INSL6: variants seen among roughly 807,000 people sequenced by gnomAD.
The protein encoded by INSL6 is insulin like 6.
In INSL6, 16 loss-of-function variants were observed where a neutral mutation model predicts 9.4. The observed-to-expected ratio is 1.70, with a 90% CI of 1.15 to 2.59. INSL6 has a LOEUF of 2.59. Ranked by LOEUF, INSL6 falls within the 30% of genes most tolerant of loss-of-function variation. The pLI is 0.00. For missense variants in INSL6, 391 were observed against 257.3 expected (o/e 1.52, Z -3.56); for synonymous variants, 154 against 96.9 (o/e 1.59, Z -3.46).
intron 2 of INSL6, among the ~76,000 whole-genome samples, chr9:5,141,709 G>A (rs1824505203): frequency 6.6e-6 from 1 of 152,142 alleles, no homozygotes; most frequent in African/African-American, 2.4e-5. Context: ...CTGGGCAGAA[G>A]CTCTTTAGTT....
chr9:5,123,888 CT>C (rs543606211), exon 4 of INSL6, among the ~76,000 whole-genome samples: 279 of 141,844 alleles, frequency 2.0e-3, no homozygotes, highest in Admixed American at 2.5e-3. Context: ...AATTTTTTCT[CT>C]TTTTTTTTTT....
At chr9:5,184,582 A>G (rs981963221) in intron 1 of INSL6, among the ~76,000 whole-genome samples, 3 of 152,172 alleles carry the variant, frequency 2.0e-5, no homozygotes, top group African/African-American at 7.2e-5. Flanking sequence ...TCCCTATAAT[A>G]CAGTATGGTA....
the INSL6 span, among the ~76,000 whole-genome samples, chr9:5,074,783 G>A: frequency 1.3e-5 from 2 of 152,180 alleles, no homozygotes; most frequent in East Asian, 3.9e-4. Context: ...ACGCTGATGT[G>A]GAAGCTGCAG....
chr9:5,146,656 C>A (rs571543964), intron 2 of INSL6, among the ~76,000 whole-genome samples: 1 of 152,228 alleles, frequency 6.6e-6, no homozygotes, highest in African/African-American at 2.4e-5. Flanking sequence ...CCATCTGCAA[C>A]GGCAGTCAAC....
chr9:5,005,354 A>T, the INSL6 span, among the ~76,000 whole-genome samples: 1 of 151,234 alleles, frequency 6.6e-6, no homozygotes, highest in East Asian at 1.9e-4. Context: ...TCTATTTTGG[A>T]TATTAACTCC....
the INSL6 span, among the ~76,000 whole-genome samples, chr9:5,045,597 C>G: frequency 6.6e-6 from 1 of 152,118 alleles, no homozygotes; most frequent in African/African-American, 2.4e-5. Flanking sequence ...TGGCCTTTTG[C>G]AATCACCATT....
intron 1 of INSL6, among the ~76,000 whole-genome samples, chr9:5,166,877 T>C (rs1382741607): frequency 6.6e-6 from 1 of 152,194 alleles, no homozygotes; most frequent in Non-Finnish European, 1.5e-5. Context: ...GACTTTCAAA[T>C]GTTGATTTCA....
chr9:5,057,426 A>G, the INSL6 span, among the ~76,000 whole-genome samples: 1 of 152,012 alleles, frequency 6.6e-6, no homozygotes, highest in African/African-American at 2.4e-5. Context: ...CATCTTAACC[A>G]TTTTTAAGTG....
chr9:5,017,621 A>G, the INSL6 span, among the ~76,000 whole-genome samples: 1 of 152,162 alleles, frequency 6.6e-6, no homozygotes, highest in African/African-American at 2.4e-5. Context: ...ATTTATTGCT[A>G]TAAACTTCCC....
At chr9:5,028,631 A>T in the INSL6 span, among the ~76,000 whole-genome samples, 46 of 152,298 alleles carry the variant, frequency 3.0e-4, no homozygotes, top group East Asian at 8.3e-3. Context: ...CTGAAAATCT[A>T]TTGTTTATCA....
At chr9:5,155,226 C>CA (rs1379074683) in intron 2 of INSL6, among the ~76,000 whole-genome samples, 1 of 149,344 alleles carries the variant, frequency 6.7e-6, no homozygotes, top group Non-Finnish European at 1.5e-5. Context: ...ATCCCAAGGA[C>CA]AAAAAACCAA....
rs746894598 is a variant in INSL6 at position 5,126,377 on chromosome 9, C to T, written c.*11-1866G>A. 39 of 1,610,692 alleles carry T rather than the reference C, an allele frequency of 2.4e-5. No individual in the cohort carries two copies. Among genetic ancestry groups the T allele is most frequent in the Non-Finnish European group, 3.0e-5 (35 of 1,177,928 alleles). Reference sequence around the variant, plus strand: ...GCAATGACAAACAAGGACAGATGATCGTGTTCCATTTGATAGAACTTTTGA... The same window carrying T: ...GCAATGACAAACAAGGACAGATGATTGTGTTCCATTTGATAGAACTTTTGA... On this transcript the variant is annotated intron_variant, in intron 3 of 3. Transcript: ENST00000649639.
chr9:5,163,232 G>A (rs1183254940), downstream of INSL6, among the ~76,000 whole-genome samples: 1 of 152,188 alleles, frequency 6.6e-6, no homozygotes, highest in Non-Finnish European at 1.5e-5. Context: ...TGCTGATGCT[G>A]CCGATTTGGT....
the INSL6 span, chr9:5,069,221 T>C: frequency 6.4e-7 from 1 of 1,568,052 alleles, no homozygotes; most frequent in Non-Finnish European, 8.7e-7. Flanking sequence ...AAGATAATTT[T>C]CTAGTTATTT....
chr9:5,012,659 A>G, the INSL6 span, among the ~76,000 whole-genome samples: 1 of 152,186 alleles, frequency 6.6e-6, no homozygotes, highest in Non-Finnish European at 1.5e-5. Context: ...ATATTTAGTA[A>G]GATTTGTATC....
At chr9:5,042,241 C>T in the INSL6 span, among the ~76,000 whole-genome samples, 1 of 151,598 alleles carries the variant, frequency 6.6e-6, no homozygotes, top group Admixed American at 6.6e-5. Context: ...GGGTTCCCGC[C>T]ATTCTCCTGC....
At chr9:5,116,669 C>A in the INSL6 span, among the ~76,000 whole-genome samples, 1 of 152,078 alleles carries the variant, frequency 6.6e-6, no homozygotes, top group African/African-American at 2.4e-5. Flanking sequence ...TACTGTGCTC[C>A]AAATACTATA....
At chr9:5,020,193 C>T in the INSL6 span, among the ~76,000 whole-genome samples, 3 of 152,228 alleles carry the variant, frequency 2.0e-5, no homozygotes, top group East Asian at 1.9e-4. Flanking sequence ...GCTGGGTAGG[C>T]AAGTCCTAAA....
the INSL6 span, among the ~76,000 whole-genome samples, chr9:5,027,681 C>G: frequency 3.6e-4 from 55 of 152,346 alleles, no homozygotes; most frequent in African/African-American, 1.3e-3. Flanking sequence ...AACCCTGCCA[C>G]TGCTTTGATT....
Sources: gnomAD v4.1 joint callset for allele counts (sites outside exome capture counted in the v4.1 genomes callset) on GRCh38, gnomAD v4.1.1 for gene constraint, MANE v1.5 for transcripts, NCBI Gene and HGNC (gene_info 2026-07-23, HGNC 2026-07-21) for gene names.